Variants in ABLIM1 observed in about 807,000 individuals in gnomAD.
ABLIM1 encodes the protein actin binding LIM protein 1.
Under a neutral mutation model 107.0 loss-of-function variants are expected in ABLIM1, and 40 were observed. The observed-to-expected ratio is 0.37, with a 90% confidence interval of 0.29 to 0.49. The LOEUF (loss-of-function observed/expected upper bound fraction) is 0.49. Among genes scored for constraint, ABLIM1 ranks in the 20% least tolerant of loss-of-function variants. The pLI is 0.97. For synonymous variants in ABLIM1, 357 were observed against 357.3 expected (o/e 1.00, Z 0.01); for missense variants, 857 against 1,008.5 (o/e 0.85, Z 2.04).
chr10:114,736,855 T>TA (rs2082190258), intron 1 of ABLIM1, among the ~76,000 whole-genome samples: 1 of 151,818 alleles, frequency 6.6e-6, no homozygotes, highest in Admixed American at 6.6e-5. Context: ...CAGCAGGAAA[T>TA]AAAAAACAGG....
intron 1 of ABLIM1, among the ~76,000 whole-genome samples, chr10:114,622,010 T>C (rs192407497): frequency 1.1e-4 from 17 of 152,222 alleles, no homozygotes; most frequent in African/African-American, 2.9e-4. Context: ...TCCCCATCAG[T>C]CCTAAAACTG....
At chr10:114,793,931 T>A in the ABLIM1 span, among the ~76,000 whole-genome samples, 1 of 152,208 alleles carries the variant, frequency 6.6e-6, no homozygotes, top group South Asian at 2.1e-4. Context: ...CTCTTGCACA[T>A]CTTCTAGTTA....
chr10:114,463,202 A>T, intron 12 of ABLIM1: 2 of 1,224,196 alleles, frequency 1.6e-6, no homozygotes, highest in African/African-American at 1.6e-5. Flanking sequence ...CACGGTGGAA[A>T]CAGAAAAGAA....
At chr10:114,453,556 T>C in intron 12 of ABLIM1, 73 bp from the exon 13 acceptor site, 3 of 1,307,084 alleles carry the variant, frequency 2.3e-6, no homozygotes, top group South Asian at 1.6e-5. Context: ...GCAAGTGTAA[T>C]AAAAATTCAA....
intron 6 of ABLIM1, among the ~76,000 whole-genome samples, chr10:114,516,338 A>G (rs2062805929): frequency 6.6e-6 from 1 of 152,202 alleles, no homozygotes; most frequent in Non-Finnish European, 1.5e-5. Flanking sequence ...AGCCTGGTCA[A>G]CGTGGCAAAA....
At chr10:114,573,195 G>A (rs1323925755) in intron 3 of ABLIM1, among the ~76,000 whole-genome samples, 1 of 152,192 alleles carries the variant, frequency 6.6e-6, no homozygotes, top group East Asian at 1.9e-4. Flanking sequence ...ATAATAGAAA[G>A]AGACCTGGAT....
At chr10:114,696,333 A>G (rs2081192665) in intron 1 of ABLIM1, among the ~76,000 whole-genome samples, 1 of 152,220 alleles carries the variant, frequency 6.6e-6, no homozygotes, top group African/African-American at 2.4e-5. Context: ...TGTTTCTTCT[A>G]AGCCCTCTCT....
intron 6 of ABLIM1, among the ~76,000 whole-genome samples, chr10:114,522,129 G>A (rs1317622228): frequency 6.6e-6 from 1 of 152,128 alleles, no homozygotes; most frequent in East Asian, 1.9e-4. Flanking sequence ...GAAAGAGGAG[G>A]GAAGATGTAG....
At chr10:114,796,208 CATATT>C in the ABLIM1 span, among the ~76,000 whole-genome samples, 1 of 152,204 alleles carries the variant, frequency 6.6e-6, no homozygotes, top group Non-Finnish European at 1.5e-5. Flanking sequence ...AAACAACAAA[CATATT>C]ATCTCACAGT....
chr10:114,766,114 A>G (rs977618851), intron 1 of ABLIM1, among the ~76,000 whole-genome samples: 3 of 152,234 alleles, frequency 2.0e-5, no homozygotes, highest in Admixed American at 2.0e-4. Context: ...TAGCTCAGGC[A>G]AATTTTATAA....
intron 1 of ABLIM1, among the ~76,000 whole-genome samples, chr10:114,682,624 A>G (rs1371965242): frequency 1.3e-5 from 2 of 152,154 alleles, no homozygotes; most frequent in African/African-American, 4.8e-5. Flanking sequence ...CCAACTTCCA[A>G]TTTAATTATG....
chr10:114,658,209 G>A lies in ABLIM1; in HGVS notation c.-9C>T. On this transcript the variant is annotated 5_prime_UTR_variant, in exon 1 of 23. Coordinates refer to ENST00000533213, the MANE Select transcript of ABLIM1 (RefSeq NM_002313.7). The stretch of plus-strand genomic sequence containing the variant: ...CCAAGGAAGGCAGGCATCTTGGCAT[G>A]GATTTCCAAGCAATGAGAAATGGGG... The A allele has an allele frequency of 6.3e-7, 1 of 1,596,488 alleles. No individual in the cohort carries two copies. The highest frequency in any genetic ancestry group is 8.6e-7 in the Non-Finnish European group (1 of 1,167,322).
the ABLIM1 span, chr10:114,775,938 G>A: frequency 6.6e-6 from 1 of 152,222 alleles, no homozygotes; most frequent in Non-Finnish European, 1.5e-5. Context: ...TGATTTGATT[G>A]CAGATTAAAG....
intron 7 of ABLIM1, among the ~76,000 whole-genome samples, chr10:114,491,012 G>GTGTGTGTGTGTGTGTGTGTA: frequency 1.1e-5 from 1 of 92,396 alleles, no homozygotes; most frequent in African/African-American, 4.6e-5. Context: ...GTGTGTGTGT[G>GTGTGTGTGTGTGTGTGTGTA]TATATATATA....
intron 1 of ABLIM1, among the ~76,000 whole-genome samples, chr10:114,630,119 A>C (rs1161314632): frequency 6.6e-6 from 1 of 152,224 alleles, no homozygotes; most frequent in African/African-American, 2.4e-5. Context: ...ACTTAGAAAA[A>C]GAGCTGCTAT....
intron 1 of ABLIM1, among the ~76,000 whole-genome samples, chr10:114,635,695 T>G (rs2078445228): frequency 6.6e-6 from 1 of 152,208 alleles, no homozygotes; most frequent in Non-Finnish European, 1.5e-5. Context: ...CTAATTTTAG[T>G]ATTTTTAGTA....
At chr10:114,622,542 T>C (rs1433260071) in intron 1 of ABLIM1, among the ~76,000 whole-genome samples, 1 of 152,212 alleles carries the variant, frequency 6.6e-6, no homozygotes, top group African/African-American at 2.4e-5. Flanking sequence ...CCACTGTGCC[T>C]GACCCACTTT....
intron 6 of ABLIM1, among the ~76,000 whole-genome samples, chr10:114,540,077 TC>T (rs1445638463): frequency 6.6e-6 from 1 of 152,036 alleles, no homozygotes; most frequent in African/African-American, 2.4e-5. Context: ...TATAGCAAGA[TC>T]CCCCTAAAAA....
At chr10:114,533,332 C>T (rs2065644882) in intron 6 of ABLIM1, among the ~76,000 whole-genome samples, 1 of 151,884 alleles carries the variant, frequency 6.6e-6, no homozygotes, top group African/African-American at 2.4e-5. Context: ...TGGAGGGAGA[C>T]TCTGTCTCAA....
Sources: gnomAD v4.1 joint callset for allele counts (sites outside exome capture counted in the v4.1 genomes callset) on GRCh38, gnomAD v4.1.1 for gene constraint, MANE v1.5 for transcripts, NCBI Gene and HGNC (gene_info 2026-07-23, HGNC 2026-07-21) for gene names.